The following FAM131C variants were observed in gnomAD, a reference collection of about 807,000 sequenced individuals.
The protein encoded by FAM131C is protein FAM131C.
A neutral mutation model predicts 29.8 loss-of-function variants in FAM131C; 14 were observed. The ratio of observed to expected loss-of-function variants is 0.47; its 90% CI spans 0.31 to 0.73. The LOEUF is 0.73. FAM131C is among the 30% of genes least tolerant of loss of function. The pLI is 0.05. For synonymous variants in FAM131C, 86 were observed against 157.8 expected, an observed-to-expected ratio of 0.54 and a Z score of 3.41; for missense variants, 252 against 383.8, an observed-to-expected ratio of 0.66 and a Z score of 2.87.
rs1206304968 is a variant in FAM131C, at chr1:16,066,552, G to T, written c.23-2916C>A. 3.9e-5 allele frequency among the ~76,000 whole-genome samples: 6 copies of T among 152,346 alleles called. No homozygotes were observed. The South Asian group carries it at 1.0e-3, about 26-fold the overall frequency. On this transcript the variant is annotated intron_variant, in intron 1 of 6. Transcript: ENST00000375662. ...GTTGTCCAGGCCCTTCAAAGGCAAT[G>T]TTCAAACTGGGGGTGCATATTTCAG... is the stretch of plus-strand genomic sequence containing the variant.
intron 4 of FAM131C, among the ~76,000 whole-genome samples, chr1:16,060,739 CAGG>C (rs1228879144): frequency 6.6e-6 from 1 of 152,164 alleles, no homozygotes; most frequent in Non-Finnish European, 1.5e-5. Flanking sequence ...GACTGGGCGG[CAGG>C]AGAAGCTGGG....
intron 2 of FAM131C, 87 bp downstream of exon 2, chr1:16,063,434 G>T: frequency 9.6e-7 from 1 of 1,039,864 alleles, no homozygotes; most frequent in Non-Finnish European, 1.5e-6. Flanking sequence ...GAAGGAAGGA[G>T]ACTGGAATGG....
intron 4 of FAM131C, among the ~76,000 whole-genome samples, chr1:16,060,758 A>G (rs1359029234): frequency 6.6e-6 from 1 of 152,216 alleles, no homozygotes; most frequent in Non-Finnish European, 1.5e-5. Flanking sequence ...CTGGGAGCTG[A>G]TCAGGGACAG....
At position 16,058,945 on chromosome 1, in the gene FAM131C, T is replaced by C. The variant is rs529838258; in HGVS notation, c.563-228A>G. 8.5e-5 allele frequency among the ~76,000 whole-genome samples: 13 copies of C among 152,350 alleles called. No individual in the cohort carries two copies. In the South Asian group the frequency reaches 2.7e-3, roughly 32 times the overall value. ...GGGCTTGGAGCCAGCCTGTGCTCTC[T>C]GAGAACTGGGACAACCAGTGCTCCT... is the stretch of plus-strand genomic sequence containing the variant. On this transcript the variant is annotated intron_variant, in intron 6 of 6. Coordinates refer to ENST00000375662, the MANE Select transcript of FAM131C (RefSeq NM_182623.3).
chr1:16,069,318 G>A (rs2023721167), intron 1 of FAM131C, among the ~76,000 whole-genome samples: 1 of 152,146 alleles, frequency 6.6e-6, no homozygotes, highest in African/African-American at 2.4e-5. Context: ...GCTCCCGAAG[G>A]GCAAGGTCCC....
At chr1:16,065,298 G>C (rs61769898) in intron 1 of FAM131C, among the ~76,000 whole-genome samples, 15 of 152,116 alleles carry the variant, frequency 9.9e-5, no homozygotes, top group Admixed American at 3.9e-4. Context: ...GCAGTCAACC[G>C]GCAAATCCTG....
intron 1 of FAM131C, among the ~76,000 whole-genome samples, chr1:16,069,642 G>A (rs1375940391): frequency 6.6e-6 from 1 of 152,216 alleles, no homozygotes; most frequent in African/African-American, 2.4e-5. Context: ...TGGAACTGGA[G>A]AGAAGGGGGG....
At chr1:16,064,443 G>A (rs186416958) in intron 1 of FAM131C, among the ~76,000 whole-genome samples, 142 of 152,162 alleles carry the variant, frequency 9.3e-4, no homozygotes, top group African/African-American at 3.3e-3. Flanking sequence ...TCCACCCAGG[G>A]CTGGGTCCTG....
At chr1:16,061,176 A>T (rs1299294067) in intron 4 of FAM131C, among the ~76,000 whole-genome samples, 1 of 152,150 alleles carries the variant, frequency 6.6e-6, no homozygotes, top group Non-Finnish European at 1.5e-5. Context: ...GGTACGGAAG[A>T]AAGGGGAGAC....
At chr1:16,061,378 G>A (rs2023590510) in intron 4 of FAM131C, among the ~76,000 whole-genome samples, 1 of 152,098 alleles carries the variant, frequency 6.6e-6, no homozygotes, top group South Asian at 2.1e-4. Flanking sequence ...TTTAGTGCTG[G>A]GGCCACCTGA....
At chr1:16,072,006 G>A (rs2023755196) in intron 1 of FAM131C, among the ~76,000 whole-genome samples, 1 of 152,150 alleles carries the variant, frequency 6.6e-6, no homozygotes, top group African/African-American at 2.4e-5. Context: ...GAACCTTTGG[G>A]GTTTCTGGAG....
chr1:16,068,953 C>T (rs2023716822), intron 1 of FAM131C, among the ~76,000 whole-genome samples: 1 of 152,212 alleles, frequency 6.6e-6, no homozygotes, highest in Admixed American at 6.5e-5. Context: ...CCACTGTTTA[C>T]TGAGCAGGTG....
chr1:16,062,715 G>C (rs2023620520), intron 2 of FAM131C, among the ~76,000 whole-genome samples, 181 bp from the exon 3 acceptor site: 2 of 152,238 alleles, frequency 1.3e-5, no homozygotes, highest in Non-Finnish European at 2.9e-5. Context: ...GAAGAAGGAG[G>C]GGGCAACAGT....
chr1:16,062,064 T>C (rs1225646809), intron 4 of FAM131C, 35 bp downstream of exon 4: 1 of 1,605,258 alleles, frequency 6.2e-7, no homozygotes, highest in African/African-American at 1.3e-5. Context: ...GACCGTGCAT[T>C]CTCCACCGGC....
chr1:16,063,600 G>A lies in FAM131C; in HGVS notation c.59C>T (p.Pro20Leu), dbSNP rs1385571550. 1 of 1,613,368 alleles carries A rather than the reference G, an allele frequency of 6.2e-7. No homozygotes were observed. Among genetic ancestry groups the A allele is most frequent in the Non-Finnish European group, 8.5e-7 (1 of 1,179,606 alleles). Residue 20 changes from proline (P) to leucine (L), a missense_variant, in exon 2 of 7, where the codon CCC (proline) becomes CTC (leucine). Pro to Leu is a moderately conservative substitution (Grantham distance 98). Around this residue, in one of 6 missense-constraint regions of FAM131C, gnomAD observed 76 missense variants for 62.8 expected, o/e 1.21. Coordinates refer to ENST00000375662, the MANE Select transcript of FAM131C (RefSeq NM_182623.3). The part of the protein sequence containing the change: ...FTSAHKNCPM[P>L]QGADPLNPDL... Reference sequence around the variant, plus strand: ...TGGGTTCAAGGGGTCCGCACCCTGGGGCATGGGGCAGTTCTTGTGGGCACT... The same window carrying A: ...TGGGTTCAAGGGGTCCGCACCCTGGAGCATGGGGCAGTTCTTGTGGGCACT...
chr1:16,063,524 G>C lies in FAM131C; in HGVS notation c.135C>G (p.Gly45=). Residue 45 remains glycine (G), a synonymous_variant, in exon 2 of 7, where the codon GGC becomes GGG. Transcript: ENST00000375662. ...GGGATGAGGAGCAGCCAGTTACCTT[G>C]CCAATGACACAGTCTGGAGCCACGG... is the stretch of plus-strand genomic sequence containing the variant. ...TPTVAPDCVI[G]KDKQMDFCWD... 1 of 1,612,300 alleles carries C rather than the reference G, an allele frequency of 6.2e-7. No homozygotes were observed. Among genetic ancestry groups the C allele is most frequent in the Non-Finnish European group, 8.5e-7 (1 of 1,178,514 alleles).
intron 1 of FAM131C, among the ~76,000 whole-genome samples, chr1:16,064,302 T>C (rs990993722): frequency 6.6e-6 from 1 of 152,108 alleles, no homozygotes; most frequent in Admixed American, 6.5e-5. Flanking sequence ...TCCAGGATCC[T>C]TGGAAAGGTG....
At chr1:16,059,117 G>A (rs7535126) in intron 6 of FAM131C, among the ~76,000 whole-genome samples, 31,506 of 150,352 alleles carry the variant, frequency 0.21, 811 homozygotes, top group African/African-American at 0.26. Context: ...TTTCAGATCC[G>A]GCTCTGACGC....
At chr1:16,063,454 C>T in intron 2 of FAM131C, 67 bp downstream of exon 2, 2 of 1,250,948 alleles carry the variant, frequency 1.6e-6, no homozygotes, top group Non-Finnish European at 2.3e-6. Context: ...GATTCTGCTC[C>T]CTGCGGGGAG....
Sources: gnomAD v4.1 joint callset for allele counts (sites outside exome capture counted in the v4.1 genomes callset) on GRCh38, gnomAD v4.1.1 for gene constraint, gnomAD v4.1.1 regional missense constraint, MANE v1.5 for transcripts, NCBI Gene and HGNC (gene_info 2026-07-23, HGNC 2026-07-21) for gene names.